The following ADAM32 variants were observed in gnomAD, a reference collection of about 807,000 sequenced individuals.
The protein encoded by ADAM32 is ADAM metallopeptidase domain 32.
In ADAM32, 89 loss-of-function variants were observed where a neutral mutation model predicts 114.9. The ratio of observed to expected loss-of-function variants is 0.77; its 90% CI spans 0.65 to 0.92. The LOEUF (loss-of-function observed/expected upper bound fraction) is 0.92, where lower values mean the gene tolerates loss of function less well. Among genes scored for constraint, ADAM32 ranks in the 40% least tolerant of loss-of-function variants. The probability of loss-of-function intolerance (pLI) is 0.00; values close to 1 mark genes in which losing one functional copy is unlikely to be tolerated. For synonymous variants in ADAM32, 285 were observed against 307.5 expected (o/e 0.93, Z 0.77); for missense variants, 870 against 932.8 (o/e 0.93, Z 0.88).
intron 11 of ADAM32, among the ~76,000 whole-genome samples, chr8:39,190,793 G>T (rs10448058): frequency 0.25 from 37,458 of 151,998 alleles, 4,996 homozygotes; most frequent in Non-Finnish European, 0.29. Context: ...TAGGTTCAGG[G>T]GTACCTGTGC....
At chr8:39,144,905 T>C (rs913486500) in intron 3 of ADAM32, among the ~76,000 whole-genome samples, 2 of 152,150 alleles carry the variant, frequency 1.3e-5, no homozygotes, top group African/African-American at 2.4e-5. Flanking sequence ...TATATGTAGA[T>C]TACTTATAGA....
rs1813039722 is a variant in ADAM32, at chr8:39,275,847, A to C, written c.2260A>C (p.Ser754Arg). Reference protein sequence around the residue: ...YASQTRSESSSQADTSKSKSE... With the variant: ...YASQTRSESSRQADTSKSKSE... Reference sequence around the variant, plus strand: ...TTTTAGAACCAGATCAGAAAGCAGCAGTCAAGCTGATACTAGCAAGTAAGT... The same window carrying C: ...TTTTAGAACCAGATCAGAAAGCAGCCGTCAAGCTGATACTAGCAAGTAAGT... The change falls in exon 22 of 25, where the codon AGT becomes CGT. Residue 754 changes from serine (S) to arginine (R), a missense_variant. Ser to Arg is a moderately radical substitution (Grantham distance 110). Coordinates refer to ENST00000379907, the MANE Select transcript of ADAM32 (RefSeq NM_145004.7). 1 of 1,561,756 alleles carries C rather than the reference A, an allele frequency of 6.4e-7. No homozygotes were observed. Among genetic ancestry groups the C allele is most frequent in the Non-Finnish European group, 8.7e-7 (1 of 1,152,236 alleles).
intron 11 of ADAM32, among the ~76,000 whole-genome samples, chr8:39,202,306 C>G (rs1386570075): frequency 6.6e-6 from 1 of 152,084 alleles, no homozygotes; most frequent in Non-Finnish European, 1.5e-5. Flanking sequence ...AATTTCAGAA[C>G]CTGTTATTGG....
In ADAM32 at chr8:39,147,114, CT is replaced by C. The variant is rs565878650; in HGVS notation, c.201-9del. 2.1e-4 allele frequency: 198 copies of C among 941,956 alleles called. No homozygotes were observed. The highest frequency in any genetic ancestry group is 7.5e-4 in the Middle Eastern group (2 of 2,668). The allele number at this position is 941,956 out of a possible 1,614,324, so 58.3% of individuals were successfully genotyped here. ...AAAAGAATAATTAAAAAAATTTCCT[CT>C]TTTTTTATATTCAGATATTTTTTAG... On this transcript the variant is annotated splice_polypyrimidine_tract_variant and intron_variant, in intron 3 of 24. Coordinates refer to ENST00000379907, the MANE Select transcript of ADAM32 (RefSeq NM_145004.7).
At position 39,124,414 on chromosome 8, in the gene ADAM32, C is replaced by CTT. The variant is rs57362503; in HGVS notation, c.138+6263_138+6264dup. On this transcript the variant is annotated intron_variant, in intron 2 of 24. Transcript: ENST00000379907. ...TATAGATTTACCACATTTTCTTTTT[C>CTT]TTTTTTTTTTTTTTTATTTTTGAGA... Among the ~76,000 whole-genome samples, 118 of 136,678 alleles carry CTT rather than the reference C, an allele frequency of 8.6e-4. 1 individual carries two copies. Among genetic ancestry groups the CTT allele is most frequent in the Non-Finnish European group, 1.2e-3 (75 of 63,498 alleles). 89.7% of individuals were successfully genotyped at this position (136,678 alleles called of 152,430 possible). A position where few individuals can be genotyped will look rare whatever the true frequency, so the allele number is the denominator to read the frequency against.
At chr8:39,197,863 G>A (rs148729405) in intron 11 of ADAM32, among the ~76,000 whole-genome samples, 102 of 152,234 alleles carry the variant, frequency 6.7e-4, no homozygotes, top group Non-Finnish European at 7.4e-5. Flanking sequence ...TAAATCTGAT[G>A]TTTCTTTGTT....
intron 10 of ADAM32, among the ~76,000 whole-genome samples, chr8:39,180,134 C>T (rs188424959): frequency 1.3e-5 from 2 of 152,222 alleles, no homozygotes; most frequent in Admixed American, 1.3e-4. Flanking sequence ...CGAGTGGGAA[C>T]TGGGGCTGCG....
intron 11 of ADAM32, among the ~76,000 whole-genome samples, chr8:39,205,576 A>T (rs1423688361): frequency 6.6e-6 from 1 of 152,216 alleles, no homozygotes; most frequent in East Asian, 1.9e-4. Context: ...TTCCTAGGTG[A>T]GGTGGTACCT....
intron 12 of ADAM32, among the ~76,000 whole-genome samples, chr8:39,219,102 C>T (rs1368298139): frequency 6.6e-6 from 1 of 152,040 alleles, no homozygotes; most frequent in African/African-American, 2.4e-5. Flanking sequence ...GATCAGTGCC[C>T]TATCTTATTG....
chr8:39,174,067 C>A (rs1282012180), intron 10 of ADAM32, among the ~76,000 whole-genome samples: 1 of 152,226 alleles, frequency 6.6e-6, no homozygotes, highest in Non-Finnish European at 1.5e-5. Flanking sequence ...TCATGTGATG[C>A]ACCTGCCCTG....
chr8:39,241,814 GT>G (rs753719893), intron 16 of ADAM32, among the ~76,000 whole-genome samples: 18 of 152,326 alleles, frequency 1.2e-4, no homozygotes, highest in Non-Finnish European at 2.5e-4. Flanking sequence ...CATTGTCTTG[GT>G]GATTAACATT....
At chr8:39,162,776 G>C (rs776039028) in intron 7 of ADAM32, among the ~76,000 whole-genome samples, 1 of 152,152 alleles carries the variant, frequency 6.6e-6, no homozygotes, top group Non-Finnish European at 1.5e-5. Flanking sequence ...TGAGGTGGGT[G>C]GATCACCTGA....
chr8:39,138,179 C>CT (rs763182300), intron 3 of ADAM32, among the ~76,000 whole-genome samples: 11 of 151,194 alleles, frequency 7.3e-5, no homozygotes, highest in Non-Finnish European at 1.6e-4. Flanking sequence ...TTTTTTAGTT[C>CT]TTTTTTTATT....
chr8:39,182,355 G>T (rs1805956706), intron 10 of ADAM32, among the ~76,000 whole-genome samples: 1 of 152,198 alleles, frequency 6.6e-6, no homozygotes, highest in Non-Finnish European at 1.5e-5. Context: ...TATGTGAGTA[G>T]AGAAAGATTG....
At chr8:39,131,597 A>G (rs990256936) in intron 2 of ADAM32, among the ~76,000 whole-genome samples, 7 of 151,830 alleles carry the variant, frequency 4.6e-5, no homozygotes, top group African/African-American at 1.2e-4. Context: ...TGAATTGTCT[A>G]TTTCTCCTTT....
intron 12 of ADAM32, among the ~76,000 whole-genome samples, chr8:39,213,778 G>A (rs4382439): frequency 2.0e-5 from 3 of 152,144 alleles, no homozygotes; most frequent in Non-Finnish European, 4.4e-5. Flanking sequence ...TTCATTCTTT[G>A]AAACTAATTT....
At chr8:39,179,970 C>T (rs1001697202) in intron 10 of ADAM32, among the ~76,000 whole-genome samples, 4 of 152,352 alleles carry the variant, frequency 2.6e-5, no homozygotes, top group Non-Finnish European at 2.9e-5. Context: ...TCAGAGCCCT[C>T]GCTTGCTCTC....
intron 20 of ADAM32, among the ~76,000 whole-genome samples, chr8:39,272,901 A>T (rs1812822144): frequency 6.6e-6 from 1 of 152,164 alleles, no homozygotes; most frequent in African/African-American, 2.4e-5. Context: ...ACATTGTACA[A>T]ATTCTTTATA....
At position 39,107,850 on chromosome 8, in the gene ADAM32, C is replaced by T. The variant is rs1839989479; in HGVS notation, c.58+17C>T. The T allele has an allele frequency of 5.2e-6, 8 of 1,530,806 alleles. No homozygotes were observed. Among genetic ancestry groups the T allele is most frequent in the Non-Finnish European group, 7.0e-6 (8 of 1,137,718 alleles). The allele number at this position is 1,530,806 out of a possible 1,614,324, so 94.8% of individuals were successfully genotyped here. A position where few individuals can be genotyped will look rare whatever the true frequency, so the allele number is the denominator to read the frequency against. On this transcript the variant is annotated intron_variant, in intron 1 of 24. Coordinates refer to ENST00000379907, the MANE Select transcript of ADAM32 (RefSeq NM_145004.7). ...CAAGACCCGGTGAGCCAGCCCAGAC[C>T]CTGACACTAGTCCGGGCGCTCGTCA...
Sources: allele counts gnomAD v4.1 joint callset (sites outside exome capture counted in the v4.1 genomes callset), GRCh38; gene constraint gnomAD v4.1.1; transcripts MANE v1.5; gene names NCBI Gene and HGNC (gene_info 2026-07-23, HGNC 2026-07-21).